Variants in SCML4 observed in about 807,000 individuals in gnomAD.
SCML4 encodes sex comb on midleg-like protein 4.
A neutral mutation model predicts 41.1 loss-of-function variants in SCML4; 34 were observed. The observed-to-expected ratio is 0.83, with a 90% CI of 0.63 to 1.10. The LOEUF is 1.10. Ranked by LOEUF, SCML4 falls within the 50% of genes least tolerant of loss-of-function variation. The pLI is 0.00. For missense variants in SCML4, 522 were observed against 534.1 expected, an observed-to-expected ratio of 0.98 and a Z score of 0.22; for synonymous variants, 214 against 220.9, an observed-to-expected ratio of 0.97 and a Z score of 0.28.
At chr6:107,827,058 G>C (rs1207830004), upstream of SCML4, among the ~76,000 whole-genome samples, 2 of 147,232 alleles carry the variant, frequency 1.4e-5, no homozygotes, top group Admixed American at 6.8e-5. Context: ...GCGAGACTCC[G>C]TCTCAAAAAA....
chr6:107,845,809 A>G, the SCML4 span, among the ~76,000 whole-genome samples: 1 of 152,226 alleles, frequency 6.6e-6, no homozygotes, highest in East Asian at 1.9e-4. Flanking sequence ...TACACGTGGT[A>G]TTACATTTTT....
the SCML4 span, among the ~76,000 whole-genome samples, chr6:107,841,339 G>T: frequency 6.6e-6 from 1 of 152,124 alleles, no homozygotes; most frequent in African/African-American, 2.4e-5. Flanking sequence ...CTTTCTAATA[G>T]GTTAACATTC....
At position 107,703,444 on chromosome 6, in the gene SCML4, C is replaced by A. The variant is rs1773336258; in HGVS notation, c.*1756G>T. Among the ~76,000 whole-genome samples, 1 of 152,186 alleles carries A rather than the reference C, an allele frequency of 6.6e-6. No homozygotes were observed. The highest frequency in any genetic ancestry group is 1.5e-5 in the Non-Finnish European group (1 of 68,026). The stretch of plus-strand genomic sequence containing the variant: ...TCTGCCATGCTCTCAGTCCAGCCGC[C>A]ATTTGTGTGTCTGAAAAGGAGGCTA... On this transcript the variant is annotated 3_prime_UTR_variant, in exon 8 of 8. Transcript: ENST00000369020.
the SCML4 span, among the ~76,000 whole-genome samples, chr6:107,840,904 A>G: frequency 7.2e-5 from 11 of 152,042 alleles, no homozygotes; most frequent in Admixed American, 5.9e-4. Context: ...AAGCTACTCA[A>G]CCTTTCTCTG....
chr6:107,833,534 G>A, the SCML4 span, among the ~76,000 whole-genome samples: 2 of 152,174 alleles, frequency 1.3e-5, no homozygotes, highest in African/African-American at 2.4e-5. Context: ...GTAACAGGAC[G>A]TGGCAACACC....
chr6:107,754,480 C>A lies in SCML4; in HGVS notation c.157-4667G>T, dbSNP rs372864894. On this transcript the variant is annotated intron_variant, in intron 2 of 7. Coordinates refer to ENST00000369020, the MANE Select transcript of SCML4 (RefSeq NM_198081.5). ...CTAACTGCCTTTCTAGGAATGATAT[C>A]CCACTTTCCATGTCTTGTGATGGAG... Among the ~76,000 whole-genome samples, 12 of 152,252 alleles carry A rather than the reference C, an allele frequency of 7.9e-5. No individual in the cohort carries two copies. The East Asian group carries it at 1.7e-3, about 22-fold the overall frequency.
chr6:107,751,594 CT>C (rs1778647218), intron 2 of SCML4, among the ~76,000 whole-genome samples: 1 of 136,158 alleles, frequency 7.3e-6, no homozygotes, highest in Non-Finnish European at 1.6e-5. Context: ...TTCTTTCTTT[CT>C]TTCTTTCTTT....
the SCML4 span, among the ~76,000 whole-genome samples, chr6:107,833,182 C>G: frequency 6.6e-6 from 1 of 152,144 alleles, no homozygotes; most frequent in Admixed American, 6.5e-5. Context: ...GGGGAGTGAC[C>G]TTCTAGAAAG....
the SCML4 span, among the ~76,000 whole-genome samples, chr6:107,836,574 A>T: frequency 6.6e-6 from 1 of 152,224 alleles, no homozygotes; most frequent in Non-Finnish European, 1.5e-5. Context: ...TGGTCACAGC[A>T]TACAGAATTG....
chr6:107,824,095 C>G (rs547130572), intron 1 of SCML4, 31 bp downstream of exon 1: 1 of 152,212 alleles, frequency 6.6e-6, no homozygotes, highest in Non-Finnish European at 1.5e-5. Context: ...CCCGTGTCAA[C>G]GGCACGCCTC....
At chr6:107,796,646 G>C (rs1384153949) in intron 1 of SCML4, among the ~76,000 whole-genome samples, 1 of 152,108 alleles carries the variant, frequency 6.6e-6, no homozygotes, top group Non-Finnish European at 1.5e-5. Flanking sequence ...TTAAATGTTT[G>C]AAGTTCAAGA....
chr6:107,772,049 C>A lies in SCML4; in HGVS notation c.156+123G>T, dbSNP rs973431302. 31 of 768,408 alleles carry A rather than the reference C, an allele frequency of 4.0e-5. No homozygotes were observed. The African/African-American group carries it at 4.6e-4, about 11-fold the overall frequency. The allele number at this position is 768,408 out of a possible 1,614,324, so 47.6% of individuals were successfully genotyped here. A position where few individuals can be genotyped will look rare whatever the true frequency, so the allele number is the denominator to read the frequency against. On this transcript the variant is annotated intron_variant, in intron 2 of 7. Coordinates refer to ENST00000369020, the MANE Select transcript of SCML4 (RefSeq NM_198081.5). ...CCGTCACATACTTCACCGAGGGAGG[C>A]TTATTTCTCATCCTGTCTCTACCAA... is the stretch of plus-strand genomic sequence containing the variant.
chr6:107,758,914 G>A (rs1779320751), intron 2 of SCML4, among the ~76,000 whole-genome samples: 1 of 152,142 alleles, frequency 6.6e-6, no homozygotes, highest in South Asian at 2.1e-4. Flanking sequence ...TTTATTCTAT[G>A]AGTGATGGAA....
At chr6:107,779,136 C>T (rs909668005) in intron 1 of SCML4, among the ~76,000 whole-genome samples, 4 of 151,556 alleles carry the variant, frequency 2.6e-5, no homozygotes, top group African/African-American at 9.7e-5. Context: ...GACAAGATCG[C>T]GCCACTGCAC....
chr6:107,718,662 G>A (rs1042674508), intron 6 of SCML4: 1 of 152,272 alleles, frequency 6.6e-6, no homozygotes, highest in African/African-American at 2.4e-5. Context: ...TGTTGAGTGA[G>A]TGATAGAAGT....
At chr6:107,764,493 T>C (rs1020278130) in intron 2 of SCML4, among the ~76,000 whole-genome samples, 1 of 152,108 alleles carries the variant, frequency 6.6e-6, no homozygotes, top group African/African-American at 2.4e-5. Flanking sequence ...TCGGATCCTA[T>C]GGGTTCAGAT....
At chr6:107,796,910 C>A (rs1167047292) in intron 1 of SCML4, among the ~76,000 whole-genome samples, 1 of 152,098 alleles carries the variant, frequency 6.6e-6, no homozygotes. Context: ...AGAGTCATCC[C>A]AACATCATTT....
At chr6:107,831,931 C>CGG in the SCML4 span, among the ~76,000 whole-genome samples, 11 of 151,956 alleles carry the variant, frequency 7.2e-5, no homozygotes, top group Non-Finnish European at 1.0e-4. Flanking sequence ...GGCATGGTGG[C>CGG]GCATGCCTGT....
intron 1 of SCML4, among the ~76,000 whole-genome samples, chr6:107,784,022 T>C (rs1196798977): frequency 6.6e-6 from 1 of 152,164 alleles, no homozygotes; most frequent in Non-Finnish European, 1.5e-5. Flanking sequence ...AGTGGCTGAG[T>C]GCCCAGTCTC....
Sources: allele counts gnomAD v4.1 joint callset (sites outside exome capture counted in the v4.1 genomes callset), GRCh38; gene constraint gnomAD v4.1.1; transcripts MANE v1.5; gene names NCBI Gene and HGNC (gene_info 2026-07-23, HGNC 2026-07-21).